The following ADAMTS5 variants were observed in gnomAD, a reference collection of about 807,000 sequenced individuals.
ADAMTS5 encodes ADAM metallopeptidase with thrombospondin type 1 motif 5.
In ADAMTS5, 54 loss-of-function variants were observed where a neutral mutation model predicts 81.4. That is an observed-to-expected ratio of 0.66 (90% CI 0.53 to 0.83). The LOEUF (loss-of-function observed/expected upper bound fraction) is 0.83, where lower values mean the gene tolerates loss of function less well. Ranked by LOEUF, ADAMTS5 falls within the 40% of genes least tolerant of loss-of-function variation. ADAMTS5 has a pLI of 0.00. For missense variants in ADAMTS5, 1,194 were observed against 1,229.9 expected (o/e 0.97, Z 0.44); for synonymous variants, 532 against 508.8 (o/e 1.05, Z -0.61).
Position 26,965,561 on chromosome 21 carries a change from C to A in ADAMTS5, c.831G>T (p.Ala277=). The change falls in exon 1 of 8, where the codon GCG becomes GCT. Residue 277 remains alanine (A), a synonymous_variant. Transcript: ENST00000284987. ...CCCGGCCATACAACCGCGCCATGGA[C>A]GCGTCAGCCACCAGAAGCAGCTCCA... is the stretch of plus-strand genomic sequence containing the variant. ...RQVELLLVAD[A]SMARLYGRGL... is the part of the protein sequence containing the mutation. 2 of 1,611,010 alleles carry A rather than the reference C, an allele frequency of 1.2e-6. No individual in the cohort carries two copies. The highest frequency in any genetic ancestry group is 1.7e-6 in the Non-Finnish European group (2 of 1,178,122).
Position 26,932,048 on chromosome 21 carries a change from A to G in ADAMTS5, c.2005T>C (p.Cys669Arg). The change falls in exon 6 of 8, where the codon TGC becomes CGC. Residue 669 changes from cysteine (C) to arginine (R), a missense_variant. Physicochemically the swap from Cys to Arg is radical, Grantham distance 180. Transcript: ENST00000284987. ...VLPADVCKLT[C>R]RAKGTGYYVV... is the part of the protein sequence containing the mutation. ...TAGTAGCCAGTGCCCTTGGCTCTGC[A>G]GGTCAGCTTGCACACATCCGCTGGC... The G allele has an allele frequency of 1.2e-6, 2 of 1,614,152 alleles. No homozygotes were observed. Among genetic ancestry groups the G allele is most frequent in the Non-Finnish European group, 1.7e-6 (2 of 1,179,986 alleles).
rs557299198 is a variant in ADAMTS5, at chr21:26,945,049, A to C, written c.1238-1502T>G. ...GTAGCATAAGTGTGCATTATAGTCT[A>C]TATATAAAGTATGTCCCAAATAACT... On this transcript the variant is annotated intron_variant, in intron 2 of 7. Coordinates refer to ENST00000284987, the MANE Select transcript of ADAMTS5 (RefSeq NM_007038.5). Among the ~76,000 whole-genome samples the C allele has an allele frequency of 2.6e-5, 4 of 152,224 alleles. No homozygotes were observed. The South Asian group carries it at 6.2e-4, about 24-fold the overall frequency.
At chr21:26,960,995 ACCATTTC>A (rs1295561230) in intron 1 of ADAMTS5, among the ~76,000 whole-genome samples, 4 of 152,226 alleles carry the variant, frequency 2.6e-5, no homozygotes, top group African/African-American at 9.6e-5. Context: ...TGCAGCAATG[ACCATTTC>A]CCTGTCTGTT....
intron 4 of ADAMTS5, 34 bp from the exon 5 acceptor site, chr21:26,933,078 A>G (rs1029973434): frequency 1.8e-5 from 28 of 1,573,160 alleles, no homozygotes; most frequent in South Asian, 3.6e-5. Context: ...TTTAACTCCA[A>G]TGAGAGAAAA....
chr21:26,959,265 T>C (rs1221095440), intron 1 of ADAMTS5, among the ~76,000 whole-genome samples: 1 of 152,242 alleles, frequency 6.6e-6, no homozygotes, highest in Admixed American at 6.5e-5. Context: ...GTAAATCATT[T>C]ACATGCTTTG....
rs886838511 is a variant in ADAMTS5, at chr21:26,953,348, G to A, written c.1237+1391C>T. On this transcript the variant is annotated intron_variant, in intron 2 of 7. Transcript: ENST00000284987. Reference sequence around the variant, plus strand: ...GTGATGCTATTGGATAATTATTTACGTTTAGGTTTTATATTTGTGTTTTTC... The same window carrying A: ...GTGATGCTATTGGATAATTATTTACATTTAGGTTTTATATTTGTGTTTTTC... 3.9e-5 allele frequency among the ~76,000 whole-genome samples: 6 copies of A among 152,142 alleles called. No individual in the cohort carries two copies. In the East Asian group the frequency reaches 9.6e-4, roughly 24 times the overall value.
rs1986876238 is a variant in ADAMTS5 at position 26,929,977 on chromosome 21, T to A, written c.2134A>T (p.Ile712Phe). The stretch of plus-strand genomic sequence containing the variant: ...TTGTCATACTGCAGCTTTGAGCCAA[T>A]GATGCCGTCACAGCCAGTTCTCACA... ...KCVRTGCDGI[I>F]GSKLQYDKCG... is the part of the protein sequence containing the mutation. The change falls in exon 7 of 8, where the codon ATT (isoleucine) becomes TTT (phenylalanine). Residue 712 changes from isoleucine to phenylalanine, a missense_variant. This residue lies in a region of ADAMTS5 where 696 missense variants were observed against 817.6 expected (regional missense o/e 0.85). Coordinates refer to ENST00000284987, the MANE Select transcript of ADAMTS5 (RefSeq NM_007038.5). 6.2e-7 allele frequency: 1 copy of A among 1,614,074 alleles called. No individual in the cohort carries two copies. Among genetic ancestry groups the A allele is most frequent in the Admixed American group, 1.7e-5 (1 of 60,006 alleles).
At chr21:26,935,894 A>G (rs781435147) in intron 3 of ADAMTS5, among the ~76,000 whole-genome samples, 1 of 152,210 alleles carries the variant, frequency 6.6e-6, no homozygotes, top group Non-Finnish European at 1.5e-5. Context: ...CAATAAAATA[A>G]CAAATATTTG....
At position 26,934,674 on chromosome 21, in the gene ADAMTS5, G is replaced by A. The variant is rs752568612; in HGVS notation, c.1481C>T (p.Thr494Ile). Residue 494 changes from threonine to isoleucine, a missense_variant, in exon 4 of 8, where the codon ACC (threonine) becomes ATC (isoleucine). This residue lies in a region of ADAMTS5 where 696 missense variants were observed against 817.6 expected (regional missense o/e 0.85). Transcript: ENST00000284987. ...CCCGAATGTCAGGTTGCACTGCTGG[G>A]TGGCATCGTAGGTCTGTCCTGGGAG... ...EELPGQTYDA[T>I]QQCNLTFGPE... 12 of 1,614,072 alleles carry A rather than the reference G, an allele frequency of 7.4e-6. No homozygotes were observed. The highest frequency in any genetic ancestry group is 2.7e-5 in the African/African-American group (2 of 74,912).
intron 2 of ADAMTS5, among the ~76,000 whole-genome samples, chr21:26,949,031 C>T (rs1325975279): frequency 6.6e-6 from 1 of 151,878 alleles, no homozygotes; most frequent in African/African-American, 2.4e-5. Context: ...AGAATATGTG[C>T]TTGACATATA....
At position 26,931,979 on chromosome 21, in the gene ADAMTS5, T is replaced by C. The variant is rs574746234; in HGVS notation, c.2049+25A>G. 77 of 1,593,168 alleles carry C rather than the reference T, an allele frequency of 4.8e-5. 2 individuals are homozygous for C. The South Asian group carries it at 7.6e-4, about 16-fold the overall frequency. On this transcript the variant is annotated intron_variant, in intron 6 of 7. Transcript: ENST00000284987. The stretch of plus-strand genomic sequence containing the variant: ...TAATTTCCACCAGTACGCCTACTGC[T>C]TCTGGACAGTTGGTGTGTAGTTACC...
intron 5 of ADAMTS5, 112 bp downstream of exon 5, chr21:26,932,749 G>T: frequency 8.4e-7 from 1 of 1,187,480 alleles, no homozygotes; most frequent in Non-Finnish European, 1.1e-6. Context: ...CATATTGGTG[G>T]AACTGTGCAG....
intron 1 of ADAMTS5, among the ~76,000 whole-genome samples, chr21:26,961,538 G>C (rs887801196): frequency 6.6e-6 from 1 of 152,200 alleles, no homozygotes. Context: ...TAGTGGGCAG[G>C]GAGCAGGTAT....
chr21:26,954,249 G>C (rs945338533), intron 2 of ADAMTS5, among the ~76,000 whole-genome samples: 4 of 151,988 alleles, frequency 2.6e-5, no homozygotes, highest in Admixed American at 2.0e-4. Flanking sequence ...TCCTTTCCTT[G>C]CTATTAAGAA....
intron 2 of ADAMTS5, among the ~76,000 whole-genome samples, chr21:26,951,573 G>T (rs147459829): frequency 0.027 from 4,039 of 151,220 alleles, 95 homozygotes; most frequent in East Asian, 0.048. Flanking sequence ...CAGCTGCTTG[G>T]GGGGCTGAGG....
rs186196009 is a variant in ADAMTS5 at position 26,942,569 on chromosome 21, T to C, written c.1405+811A>G. 2.0e-3 allele frequency among the ~76,000 whole-genome samples: 306 copies of C among 152,300 alleles called. 25 individuals are homozygous for C. The South Asian group carries it at 0.053, about 26-fold the overall frequency. On this transcript the variant is annotated intron_variant, in intron 3 of 7. Transcript: ENST00000284987. ...TAGAGTGCTAATGCATCTATCCTCC[T>C]GTGTTTTTATTACTTTAAAGTACTG...
At position 26,934,729 on chromosome 21, in the gene ADAMTS5, G is replaced by T. The variant is rs1324211563; in HGVS notation, c.1426C>A (p.Pro476Thr). 1 of 1,614,164 alleles carries T rather than the reference G, an allele frequency of 6.2e-7. No individual in the cohort carries two copies. Among genetic ancestry groups the T allele is most frequent in the East Asian group, 2.2e-5 (1 of 44,878 alleles). The change falls in exon 4 of 8, where the codon CCA becomes ACA. Residue 476 changes from proline (P) to threonine (T), a missense_variant. Pro to Thr is a conservative substitution (Grantham distance 38). Around this residue, in one of 2 missense-constraint regions of ADAMTS5, gnomAD observed 696 missense variants for 817.6 expected, o/e 0.85. Transcript: ENST00000284987. Reference sequence around the variant, plus strand: ...TCGGGGCCCAGGATCTGCTTTCGTGGTAGGTCCAGCAAACAGTTACCTACA... The same window carrying T: ...TCGGGGCCCAGGATCTGCTTTCGTGTTAGGTCCAGCAAACAGTTACCTACA... ...DGHGNCLLDL[P>T]RKQILGPEEL...
intron 4 of ADAMTS5, among the ~76,000 whole-genome samples, chr21:26,933,474 G>T (rs998025214): frequency 5.3e-5 from 8 of 152,164 alleles, no homozygotes; most frequent in African/African-American, 1.9e-4. Flanking sequence ...AATTGTGTTT[G>T]CATCTCTTCA....
Position 26,923,136 on chromosome 21 carries a change from C to G in ADAMTS5, c.*917G>C, listed in dbSNP as rs943694885. The G allele has an allele frequency of 6.6e-6, 1 of 152,102 alleles. No homozygotes were observed. Among genetic ancestry groups the G allele is most frequent in the Non-Finnish European group, 1.5e-5 (1 of 68,002 alleles). The allele number at this position is 152,102 out of a possible 1,614,324, so 9.4% of individuals were successfully genotyped here. On this transcript the variant is annotated 3_prime_UTR_variant, in exon 8 of 8. Transcript: ENST00000284987. ...TACATTGTGAGATATCAGATGAAAG[C>G]TCTGGAGAGAGAAAGTAGTTGTGAA...
Sources: allele counts gnomAD v4.1 joint callset (sites outside exome capture counted in the v4.1 genomes callset), GRCh38; gene constraint gnomAD v4.1.1; regional missense constraint gnomAD v4.1.1; transcripts MANE v1.5; gene names NCBI Gene and HGNC (gene_info 2026-07-23, HGNC 2026-07-21).